Variants in LRRTM3 observed in about 807,000 individuals in gnomAD.
The protein encoded by LRRTM3 is leucine-rich repeat transmembrane neuronal protein 3.
A neutral mutation model predicts 44.7 loss-of-function variants in LRRTM3; 24 were observed. That is an observed-to-expected ratio of 0.54 (90% CI 0.39 to 0.76). The LOEUF (loss-of-function observed/expected upper bound fraction) is 0.76. LRRTM3 is among the 30% of genes least tolerant of loss of function. The probability of loss-of-function intolerance (pLI) is 0.00; values close to 1 mark genes in which losing one functional copy is unlikely to be tolerated. For synonymous variants in LRRTM3, 277 were observed against 278.7 expected (o/e 0.99, Z 0.06); for missense variants, 587 against 702.2 (o/e 0.84, Z 1.85).
In LRRTM3 at chr10:66,926,325, C is replaced by A; in HGVS notation, c.-259C>A. 7 of 506,470 alleles carry A rather than the reference C, an allele frequency of 1.4e-5. No individual in the cohort carries two copies. The highest frequency in any genetic ancestry group is 3.2e-5 in the Admixed American group (1 of 30,850). The allele number at this position is 506,470 out of a possible 1,614,324, so 31.4% of individuals were successfully genotyped here. On this transcript the variant is annotated 5_prime_UTR_variant, in exon 1 of 3. Transcript: ENST00000361320. The stretch of plus-strand genomic sequence containing the variant: ...CTGTAAAGATGCAAAAACGTAATAT[C>A]CATGAAGATCCTATTACCTAGGAAG...
At chr10:66,998,525 A>C (rs891005245) in intron 2 of LRRTM3, among the ~76,000 whole-genome samples, 1 of 152,164 alleles carries the variant, frequency 6.6e-6, no homozygotes, top group African/African-American at 2.4e-5. Flanking sequence ...ATACAATGAC[A>C]CAGAAAAGTT....
At chr10:67,011,683 T>C (rs761086381) in intron 2 of LRRTM3, among the ~76,000 whole-genome samples, 1 of 152,180 alleles carries the variant, frequency 6.6e-6, no homozygotes, top group Non-Finnish European at 1.5e-5. Context: ...AGCAAATATA[T>C]AGAGTGCTTA....
rs1325709003 is a variant in LRRTM3 at position 67,101,452 on chromosome 10, A to AC, written c.*3656_*3657insC. ...GTAATAATAGAGAACAATTTTCTCC[A>AC]TTTTCTTATAAGAAAAATAAAATAT... On this transcript the variant is annotated 3_prime_UTR_variant, in exon 3 of 3. Transcript: ENST00000361320. Among the ~76,000 whole-genome samples the AC allele has an allele frequency of 4.1e-5, 4 of 96,760 alleles. No individual in the cohort carries two copies. Among genetic ancestry groups the AC allele is most frequent in the African/African-American group, 2.8e-4 (4 of 14,068 alleles). The allele number at this position is 96,760 out of a possible 152,430, so 63.5% of individuals were successfully genotyped here.
At chr10:67,070,099 T>C (rs916682370) in intron 2 of LRRTM3, among the ~76,000 whole-genome samples, 1 of 152,212 alleles carries the variant, frequency 6.6e-6, no homozygotes, top group Non-Finnish European at 1.5e-5. Context: ...CTCGTCAGTG[T>C]GTAGTATTAT....
intron 2 of LRRTM3, among the ~76,000 whole-genome samples, chr10:67,035,406 G>A (rs1301606185): frequency 2.6e-5 from 4 of 152,096 alleles, no homozygotes; most frequent in East Asian, 1.9e-4. Context: ...ATTTATATGC[G>A]TTATTTAAAG....
At chr10:66,965,549 G>GA (rs386371673) in intron 2 of LRRTM3, among the ~76,000 whole-genome samples, 62,985 of 119,908 alleles carry the variant, frequency 0.53, 14,807 homozygotes, top group East Asian at 0.64. Context: ...AGAAAGAAAA[G>GA]AAAAAAAAAA....
intron 2 of LRRTM3, among the ~76,000 whole-genome samples, chr10:66,942,017 G>C (rs942785): frequency 0.96 from 146,026 of 152,264 alleles, 70,325 homozygotes; most frequent in East Asian, 1. Flanking sequence ...TAAACCTGGG[G>C]TGCAGTTTTG....
chr10:66,996,409 G>A (rs538398919), intron 2 of LRRTM3, among the ~76,000 whole-genome samples: 17 of 152,172 alleles, frequency 1.1e-4, no homozygotes, highest in African/African-American at 3.4e-4. Context: ...ACTTTGGGAG[G>A]CCGAGACGGG....
chr10:67,041,131 A>G (rs1854365816), intron 2 of LRRTM3, among the ~76,000 whole-genome samples: 1 of 152,116 alleles, frequency 6.6e-6, no homozygotes. Flanking sequence ...TGTCTCACTG[A>G]GAACTAGGGA....
intron 2 of LRRTM3, among the ~76,000 whole-genome samples, chr10:67,066,535 C>CAAA (rs57093251): frequency 7.5e-5 from 6 of 80,140 alleles, no homozygotes; most frequent in African/African-American, 1.8e-4. Flanking sequence ...CAGTTCTTGA[C>CAAA]AAAAAAAAAA....
chr10:67,073,591 T>TA (rs1272402175), intron 2 of LRRTM3, among the ~76,000 whole-genome samples: 1 of 150,828 alleles, frequency 6.6e-6, no homozygotes, highest in East Asian at 2.0e-4. Context: ...AGAGTCATAT[T>TA]AAAAAAACAG....
chr10:67,077,220 T>A (rs150694024), intron 2 of LRRTM3, among the ~76,000 whole-genome samples: 24 of 152,210 alleles, frequency 1.6e-4, no homozygotes, highest in Non-Finnish European at 2.5e-4. Flanking sequence ...TTGCACATGT[T>A]CGCTCTGGAC....
chr10:67,005,844 C>T (rs997157452), intron 2 of LRRTM3, among the ~76,000 whole-genome samples: 4 of 151,376 alleles, frequency 2.6e-5, no homozygotes, highest in African/African-American at 9.7e-5. Context: ...TGCCACTATG[C>T]CTGGCTAATT....
intron 2 of LRRTM3, among the ~76,000 whole-genome samples, chr10:67,082,519 C>T (rs1030399214): frequency 3.9e-5 from 6 of 152,114 alleles, no homozygotes; most frequent in Non-Finnish European, 8.8e-5. Context: ...AATGCATTTA[C>T]TATAGTAAGA....
rs970226964 is a variant in LRRTM3, at chr10:66,926,365, CTGCGAA to C, written c.-214_-209del. ...TACCTAGGAAGATTTTGATGTTTTG[CTGCGAA>C]TGCGGTGTTGGGATTTATTTGTTCT... On this transcript the variant is annotated 5_prime_UTR_variant, in exon 1 of 3. The change abolishes an upstream ATG in the 5' untranslated region. Coordinates refer to ENST00000361320, the MANE Select transcript of LRRTM3 (RefSeq NM_178011.5). The C allele has an allele frequency of 1.7e-6, 1 of 592,206 alleles. No individual in the cohort carries two copies. Among genetic ancestry groups the C allele is most frequent in the Non-Finnish European group, 3.0e-6 (1 of 327,870 alleles). The allele number at this position is 592,206 out of a possible 1,614,324, so 36.7% of individuals were successfully genotyped here. A position where few individuals can be genotyped will look rare whatever the true frequency, so the allele number is the denominator to read the frequency against.
chr10:66,967,849 CAAT>C (rs903603514), intron 2 of LRRTM3, among the ~76,000 whole-genome samples: 6 of 152,004 alleles, frequency 3.9e-5, no homozygotes, highest in Non-Finnish European at 7.4e-5. Context: ...AATTCTACAA[CAAT>C]GAGTAGTTAA....
chr10:67,092,752 A>G (rs554298598), intron 2 of LRRTM3, among the ~76,000 whole-genome samples: 1 of 152,132 alleles, frequency 6.6e-6, no homozygotes, highest in East Asian at 1.9e-4. Flanking sequence ...TTTATGTGAA[A>G]GGTACATAGC....
At chr10:67,090,053 T>C (rs557821517) in intron 2 of LRRTM3, among the ~76,000 whole-genome samples, 2 of 152,220 alleles carry the variant, frequency 1.3e-5, no homozygotes, top group East Asian at 3.9e-4. Context: ...AAAGCTAACA[T>C]ATTTTAACTG....
intron 2 of LRRTM3, among the ~76,000 whole-genome samples, chr10:67,062,517 G>A (rs1420087843): frequency 1.3e-5 from 2 of 152,138 alleles, no homozygotes; most frequent in Non-Finnish European, 2.9e-5. Context: ...GGTTGAAAGT[G>A]TGTGTGTGTC....
Sources: allele counts gnomAD v4.1 joint callset (sites outside exome capture counted in the v4.1 genomes callset), GRCh38; gene constraint gnomAD v4.1.1; transcripts MANE v1.5; gene names NCBI Gene and HGNC (gene_info 2026-07-23, HGNC 2026-07-21).